The following PHYHD1 variants were observed in gnomAD, a reference collection of about 807,000 sequenced individuals.
PHYHD1 encodes phytanoyl-CoA dioxygenase domain-containing protein 1.
PHYHD1 carries 42 observed loss-of-function variants against 43.6 expected under a neutral mutation model. That is an observed-to-expected ratio of 0.96 (90% CI 0.75 to 1.25). PHYHD1 has a LOEUF of 1.25. Among genes scored for constraint, PHYHD1 ranks in the 50% most tolerant of loss-of-function variants. The pLI, the probability that PHYHD1 is intolerant of heterozygous loss-of-function variation, is 0.00. For missense variants in PHYHD1, 342 were observed against 370.8 expected (o/e 0.92, Z 0.64); for synonymous variants, 139 against 143.6 (o/e 0.97, Z 0.23).
rs755017671 is a variant in PHYHD1 at position 128,941,504 on chromosome 9, C to T, written c.763C>T (p.Arg255Cys). ...CAAGAGCAAGCAGAACCTCTCTGAC[C>T]GCTCGCGCCAGGCCTACACTTTCCA... ...VHKSKQNLSD[R>C]SRQAYTFHLM... Residue 255 changes from arginine to cysteine, a missense_variant, in exon 12 of 13, where the codon CGC becomes TGC. Transcript: ENST00000372592. The T allele has an allele frequency of 2.2e-5, 36 of 1,613,878 alleles. No individual in the cohort carries two copies. The highest frequency in any genetic ancestry group is 2.7e-5 in the African/African-American group (2 of 74,844).
chr9:128,921,724 C>A, intron 1 of PHYHD1, 56 bp downstream of exon 1: 1 of 152,490 alleles, frequency 6.6e-6, no homozygotes. Context: ...CTAAGATACC[C>A]CATGTCTCCT....
rs1841008538 is a variant in PHYHD1, at chr9:128,921,936, G to A, written c.-153G>A. On this transcript the variant is annotated 5_prime_UTR_variant, in exon 2 of 13. Coordinates refer to ENST00000372592, the MANE Select transcript of PHYHD1 (RefSeq NM_001100876.2). ...TGCATCCCATTCTATCCAGATTGAG[G>A]CCTAGAGAGAGGCAGGCGTTCCTCA... is the stretch of plus-strand genomic sequence containing the variant. 6 of 261,722 alleles carry A rather than the reference G, an allele frequency of 2.3e-5. 1 individual carries two copies. The South Asian group carries it at 3.1e-4, about 14-fold the overall frequency. The allele number at this position is 261,722 out of a possible 1,614,324, so 16.2% of individuals were successfully genotyped here.
intron 11 of PHYHD1, among the ~76,000 whole-genome samples, chr9:128,941,134 T>A (rs1841550341): frequency 6.6e-6 from 1 of 151,946 alleles, no homozygotes; most frequent in Admixed American, 6.6e-5. Flanking sequence ...ACCGGAGAGG[T>A]CCCAGTGGAC....
At position 128,940,404 on chromosome 9, in the gene PHYHD1, G is replaced by A. The variant is rs1428651465; in HGVS notation, c.493G>A (p.Glu165Lys). 4 of 1,614,186 alleles carry A rather than the reference G, an allele frequency of 2.5e-6. No individual in the cohort carries two copies. In the South Asian group the frequency reaches 4.4e-5, roughly 18 times the overall value. Reference sequence around the variant, plus strand: ...TCAGGACGCCTCCTTCCTGTACACGGAGCCCCTGGGCCGGGTGCTGGGCGT... The same window carrying A: ...TCAGGACGCCTCCTTCCTGTACACGAAGCCCCTGGGCCGGGTGCTGGGCGT... ...PHQDASFLYT[E>K]PLGRVLGVWI... The change falls in exon 10 of 13, where the codon GAG becomes AAG. Residue 165 changes from glutamate to lysine, a missense_variant. By Grantham distance (56) the Glu-to-Lys change is moderately conservative. Transcript: ENST00000372592.
intron 11 of PHYHD1, among the ~76,000 whole-genome samples, chr9:128,940,979 C>T (rs911198255): frequency 1.3e-5 from 2 of 152,162 alleles, no homozygotes; most frequent in African/African-American, 4.8e-5. Context: ...GCCTTAATTT[C>T]CCCAAACGTA....
intron 2 of PHYHD1, 68 bp downstream of exon 2, chr9:128,922,115 G>A: frequency 1.8e-6 from 1 of 569,062 alleles, no homozygotes; most frequent in Admixed American, 3.4e-5. Flanking sequence ...TTGGAGATGG[G>A]AAAGGGCAAA....
At chr9:128,928,987 G>A (rs950091569) in intron 4 of PHYHD1, among the ~76,000 whole-genome samples, 1 of 152,106 alleles carries the variant, frequency 6.6e-6, no homozygotes, top group African/African-American at 2.4e-5. Flanking sequence ...TTCCAATCAC[G>A]TTACCATGAA....
At chr9:128,933,278 C>A (rs1030786586) in intron 4 of PHYHD1, among the ~76,000 whole-genome samples, 1 of 150,570 alleles carries the variant, frequency 6.6e-6, no homozygotes, top group East Asian at 2.0e-4. Context: ...CTCAGCCTCC[C>A]GGGTACCTGG....
chr9:128,923,048 G>A lies in PHYHD1; in HGVS notation c.33+692G>A, dbSNP rs1431797332. Among the ~76,000 whole-genome samples, 9 of 148,066 alleles carry A rather than the reference G, an allele frequency of 6.1e-5. No homozygotes were observed. In the Admixed American group the frequency reaches 6.2e-4, roughly 10 times the overall value. On this transcript the variant is annotated intron_variant, in intron 3 of 12. Transcript: ENST00000372592. ...CAACCTCTGACTCCCAGGTTCAAAC[G>A]ACTCTCCTACCTTAGCCTCCCGAAT...
intron 3 of PHYHD1, among the ~76,000 whole-genome samples, chr9:128,926,548 CTTTTTCTTTCTTTTTT>C (rs1841138584): frequency 1.4e-5 from 2 of 139,560 alleles, no homozygotes; most frequent in South Asian, 2.3e-4. Flanking sequence ...CTTCCTTTTT[CTTTTTCTTTCTTTTTT>C]TTTTTTTTTT....
chr9:128,929,843 A>G (rs1463883335), intron 4 of PHYHD1, among the ~76,000 whole-genome samples: 1 of 152,078 alleles, frequency 6.6e-6, no homozygotes, highest in East Asian at 1.9e-4. Context: ...TATTTTTACC[A>G]TCCAGGCATG....
chr9:128,938,033 G>A (rs945745053), intron 9 of PHYHD1: 19 of 1,264,600 alleles, frequency 1.5e-5, no homozygotes, highest in East Asian at 8.6e-5. Flanking sequence ...TAGGACAGGC[G>A]TGGTGGCTCA....
intron 6 of PHYHD1, among the ~76,000 whole-genome samples, chr9:128,935,055 C>A (rs1169088851): frequency 1.3e-5 from 2 of 152,186 alleles, no homozygotes; most frequent in African/African-American, 4.8e-5. Context: ...ACCCCAAAGT[C>A]AAGTAAGAAA....
intron 4 of PHYHD1, among the ~76,000 whole-genome samples, chr9:128,930,720 C>A (rs1045271093): frequency 2.0e-5 from 3 of 151,980 alleles, no homozygotes; most frequent in African/African-American, 7.2e-5. Context: ...GAGGCCGAGG[C>A]GGGGGGATCA....
chr9:128,922,496 C>G, intron 3 of PHYHD1, 140 bp downstream of exon 3: 1 of 1,038,852 alleles, frequency 9.6e-7, no homozygotes, highest in Non-Finnish European at 1.4e-6. Flanking sequence ...GGTTCCCAAC[C>G]GCAACCCCTC....
chr9:128,939,817 G>T (rs1259287262), intron 9 of PHYHD1, among the ~76,000 whole-genome samples: 1 of 100,362 alleles, frequency 1.0e-5, no homozygotes, highest in East Asian at 2.5e-4. Context: ...ACCACACATG[G>T]CTAATTTTTG....
At chr9:128,929,192 A>G (rs191755750) in intron 4 of PHYHD1, among the ~76,000 whole-genome samples, 1 of 152,152 alleles carries the variant, frequency 6.6e-6, no homozygotes, top group Admixed American at 6.6e-5. Flanking sequence ...TTAGCTGGGC[A>G]TGGTGGTATA....
chr9:128,940,410 C>T lies in PHYHD1; in HGVS notation c.499C>T (p.Leu167=), dbSNP rs368501170. The change falls in exon 10 of 13, where the codon CTG becomes TTG. Residue 167 remains leucine (L), a synonymous_variant. Transcript: ENST00000372592. ...QDASFLYTEP[L]GRVLGVWIAV... is the part of the protein sequence containing the mutation. Reference sequence around the variant, plus strand: ...CGCCTCCTTCCTGTACACGGAGCCCCTGGGCCGGGTGCTGGGCGTGTGGAT... The same window carrying T: ...CGCCTCCTTCCTGTACACGGAGCCCTTGGGCCGGGTGCTGGGCGTGTGGAT... 5.0e-6 allele frequency: 8 copies of T among 1,614,218 alleles called. No homozygotes were observed. Among genetic ancestry groups the T allele is most frequent in the Non-Finnish European group, 6.8e-6 (8 of 1,180,046 alleles).
chr9:128,924,634 A>C (rs984441500), intron 3 of PHYHD1, among the ~76,000 whole-genome samples: 6 of 150,152 alleles, frequency 4.0e-5, no homozygotes, highest in Non-Finnish European at 8.9e-5. Context: ...AAAAAGAAGA[A>C]GGAAAGAAAA....
Sources: allele counts gnomAD v4.1 joint callset (sites outside exome capture counted in the v4.1 genomes callset), GRCh38; gene constraint gnomAD v4.1.1; transcripts MANE v1.5; gene names NCBI Gene and HGNC (gene_info 2026-07-23, HGNC 2026-07-21).